Variants in TMPRSS11D observed in about 807,000 individuals in gnomAD.
The protein encoded by TMPRSS11D is transmembrane protease serine 11D.
TMPRSS11D carries 32 observed loss-of-function variants against 44.4 expected under a neutral mutation model. The observed-to-expected ratio is 0.72, with a 90% CI of 0.54 to 0.97. The LOEUF (loss-of-function observed/expected upper bound fraction) is 0.97. Among genes scored for constraint, TMPRSS11D ranks in the 50% least tolerant of loss-of-function variants. The pLI, the probability that TMPRSS11D is intolerant of heterozygous loss-of-function variation, is 0.00. For synonymous variants in TMPRSS11D, 179 were observed against 177.9 expected, an observed-to-expected ratio of 1.01 and a Z score of -0.05; for missense variants, 446 against 502.6, an observed-to-expected ratio of 0.89 and a Z score of 1.08.
In TMPRSS11D at chr4:67,874,383, G is replaced by A. The variant is rs76988336; in HGVS notation, c.8+9543C>T. On this transcript the variant is annotated intron_variant, in intron 1 of 9. Coordinates refer to ENST00000283916, the MANE Select transcript of TMPRSS11D (RefSeq NM_004262.3). Reference sequence around the variant, plus strand: ...CTCAGTGTGATCTGATTTGTAATGCGCAATAGAAAGTGTCAAGATATTCTC... The same window carrying A: ...CTCAGTGTGATCTGATTTGTAATGCACAATAGAAAGTGTCAAGATATTCTC... Among the ~76,000 whole-genome samples the A allele has an allele frequency of 2.9e-3, 444 of 152,262 alleles. 3 individuals are homozygous for A. Among genetic ancestry groups the A allele is most frequent in the African/African-American group, 1.0e-2 (414 of 41,560 alleles).
At chr4:67,825,937 T>A in intron 8 of TMPRSS11D, 63 bp from the exon 9 acceptor site, 1 of 1,443,998 alleles carries the variant, frequency 6.9e-7, no homozygotes, top group Non-Finnish European at 9.3e-7. Flanking sequence ...GACCCTATAA[T>A]AAATTTGAGA....
intron 1 of TMPRSS11D, among the ~76,000 whole-genome samples, chr4:67,879,927 G>A (rs1476738635): frequency 6.6e-6 from 1 of 152,094 alleles, no homozygotes; most frequent in Admixed American, 6.5e-5. Flanking sequence ...TTTAAGTTAT[G>A]GGTCAGGCTT....
chr4:67,881,777 A>T (rs191332005), intron 1 of TMPRSS11D, among the ~76,000 whole-genome samples: 1 of 152,264 alleles, frequency 6.6e-6, no homozygotes, highest in East Asian at 1.9e-4. Context: ...TCAGTTAATC[A>T]TGTCTTGAGC....
chr4:67,871,260 C>T (rs1168693103), intron 1 of TMPRSS11D, among the ~76,000 whole-genome samples: 5 of 152,142 alleles, frequency 3.3e-5, no homozygotes, highest in Non-Finnish European at 7.4e-5. Context: ...AAAGTGTTTC[C>T]CTTTCAAGTC....
At chr4:67,872,886 C>T (rs1369113250) in intron 1 of TMPRSS11D, among the ~76,000 whole-genome samples, 1 of 152,124 alleles carries the variant, frequency 6.6e-6, no homozygotes, top group African/African-American at 2.4e-5. Flanking sequence ...AAATGATTTA[C>T]TTCTTATACA....
At chr4:67,833,513 A>G in intron 6 of TMPRSS11D, 132 bp from the exon 7 acceptor site, 1 of 806,994 alleles carries the variant, frequency 1.2e-6, no homozygotes, top group Non-Finnish European at 1.7e-6. Context: ...TGGATTTTCC[A>G]AAAAGCATGA....
chr4:67,849,331 A>G (rs1417334526), intron 3 of TMPRSS11D, among the ~76,000 whole-genome samples: 1 of 152,210 alleles, frequency 6.6e-6, no homozygotes, highest in Non-Finnish European at 1.5e-5. Context: ...TGGTAACTAG[A>G]GTACAAAAGA....
At chr4:67,858,772 C>T (rs965653801) in intron 2 of TMPRSS11D, among the ~76,000 whole-genome samples, 6 of 151,920 alleles carry the variant, frequency 3.9e-5, no homozygotes, top group African/African-American at 1.5e-4. Flanking sequence ...GAAAAAAATT[C>T]TAATATATGA....
chr4:67,868,803 C>G (rs2109697727), intron 1 of TMPRSS11D, among the ~76,000 whole-genome samples: 1 of 152,214 alleles, frequency 6.6e-6, no homozygotes, highest in Non-Finnish European at 1.5e-5. Context: ...AGTTGGGCTG[C>G]AAGAGGCGGG....
intron 1 of TMPRSS11D, among the ~76,000 whole-genome samples, chr4:67,869,238 T>G (rs1234598123): frequency 6.6e-6 from 1 of 152,136 alleles, no homozygotes; most frequent in Non-Finnish European, 1.5e-5. Flanking sequence ...TTTGAAGCTC[T>G]GAAAAAGAGT....
intron 2 of TMPRSS11D, among the ~76,000 whole-genome samples, chr4:67,854,985 A>G (rs1425220856): frequency 7.0e-6 from 1 of 142,178 alleles, no homozygotes; most frequent in Admixed American, 7.3e-5. Flanking sequence ...GGCCGGGTGC[A>G]GTGGCTCATG....
chr4:67,851,154 G>A (rs1185945967), intron 3 of TMPRSS11D, among the ~76,000 whole-genome samples: 1 of 152,214 alleles, frequency 6.6e-6, no homozygotes, highest in Non-Finnish European at 1.5e-5. Flanking sequence ...ACTACTGTAT[G>A]TGTCTGGGAG....
At position 67,822,161 on chromosome 4, in the gene TMPRSS11D, A is replaced by G; in HGVS notation, c.*176T>C. 1.4e-6 allele frequency: 1 copy of G among 713,836 alleles called. No homozygotes were observed. The highest frequency in any genetic ancestry group is 2.3e-6 in the Non-Finnish European group (1 of 440,510). The allele number at this position is 713,836 out of a possible 1,614,324, so 44.2% of individuals were successfully genotyped here. On this transcript the variant is annotated 3_prime_UTR_variant, in exon 10 of 10. Transcript: ENST00000283916. Reference sequence around the variant, plus strand: ...AACATTCATATAGTTCTCTGGAGAAAATAGAAAACCTTTAATAATAAAGAA... The same window carrying G: ...AACATTCATATAGTTCTCTGGAGAAGATAGAAAACCTTTAATAATAAAGAA...
chr4:67,877,206 G>A (rs1719213312), intron 1 of TMPRSS11D, among the ~76,000 whole-genome samples: 1 of 152,074 alleles, frequency 6.6e-6, no homozygotes, highest in South Asian at 2.1e-4. Context: ...GTCAACCTAA[G>A]TGTCTGGTGT....
intron 3 of TMPRSS11D, among the ~76,000 whole-genome samples, chr4:67,844,879 C>G (rs1718322319): frequency 6.6e-6 from 1 of 152,090 alleles, no homozygotes; most frequent in Non-Finnish European, 1.5e-5. Context: ...TAGTAATCTA[C>G]TTAGAAGCAT....
rs1297172070 is a variant in TMPRSS11D, at chr4:67,821,331, T to C, written c.*1006A>G. ...TTTTTCTGTCTTCAGGATCATTCTA[T>C]TGATATTAAGCTATTTAAACTTTTC... On this transcript the variant is annotated 3_prime_UTR_variant, in exon 10 of 10. Coordinates refer to ENST00000283916, the MANE Select transcript of TMPRSS11D (RefSeq NM_004262.3). 2.0e-5 allele frequency: 3 copies of C among 152,134 alleles called. No individual in the cohort carries two copies. Among genetic ancestry groups the C allele is most frequent in the African/African-American group, 7.2e-5 (3 of 41,434 alleles). 9.4% of individuals were successfully genotyped at this position (152,134 alleles called of 1,614,324 possible). A position where few individuals can be genotyped will look rare whatever the true frequency, so the allele number is the denominator to read the frequency against.
At position 67,852,987 on chromosome 4, in the gene TMPRSS11D, G is replaced by A. The variant is rs1161301347; in HGVS notation, c.249+1081C>T. ...TTTGTGGCGAGGTGATGTGGAAGGAGGATTAATTATATCCAATCATGGAGA... is the reference window on the plus strand; with the variant it reads ...TTTGTGGCGAGGTGATGTGGAAGGAAGATTAATTATATCCAATCATGGAGA... On this transcript the variant is annotated intron_variant, in intron 3 of 9. Transcript: ENST00000283916. Among the ~76,000 whole-genome samples the A allele has an allele frequency of 2.0e-5, 3 of 152,172 alleles. No individual in the cohort carries two copies. The South Asian group carries it at 6.2e-4, about 32-fold the overall frequency.
intron 6 of TMPRSS11D, 79 bp downstream of exon 6, chr4:67,835,004 C>T (rs1718041299): frequency 7.3e-7 from 1 of 1,360,794 alleles, no homozygotes. Context: ...ACTGCCTTGG[C>T]CAAAAGTACA....
intron 1 of TMPRSS11D, among the ~76,000 whole-genome samples, chr4:67,870,632 G>A (rs1282648970): frequency 1.3e-5 from 2 of 152,084 alleles, no homozygotes; most frequent in East Asian, 3.9e-4. Flanking sequence ...GGCTAACATG[G>A]TGAAACCCAG....
Sources: allele counts gnomAD v4.1 joint callset (sites outside exome capture counted in the v4.1 genomes callset), GRCh38; gene constraint gnomAD v4.1.1; transcripts MANE v1.5; gene names NCBI Gene and HGNC (gene_info 2026-07-23, HGNC 2026-07-21).